The following PTPRF variants were observed in gnomAD, a reference collection of about 807,000 sequenced individuals.
PTPRF encodes receptor-type tyrosine-protein phosphatase F.
In PTPRF, 59 loss-of-function variants were observed where a neutral mutation model predicts 201.8. That is an observed-to-expected ratio of 0.29 (90% CI 0.24 to 0.36). The LOEUF is 0.36. PTPRF is among the 10% of genes least tolerant of loss of function. The pLI, the probability that PTPRF is intolerant of heterozygous loss-of-function variation, is 1.00. For synonymous variants in PTPRF, 1,088 were observed against 1,089.7 expected (o/e 1.00, Z 0.03); for missense variants, 2,132 against 2,690.5 (o/e 0.79, Z 4.59).
chr1:43,613,985 C>CA, intron 23 of PTPRF, among the ~76,000 whole-genome samples: 1 of 152,328 alleles, frequency 6.6e-6, no homozygotes, highest in Non-Finnish European at 1.5e-5. Context: ...TCTGGACACT[C>CA]AGACACGTGC....
chr1:43,576,505 A>G (rs1382492395), intron 6 of PTPRF, among the ~76,000 whole-genome samples: 1 of 152,190 alleles, frequency 6.6e-6, no homozygotes. Flanking sequence ...GCGTAACTCC[A>G]TCACCTGACC....
rs557456651 is a variant in PTPRF, at chr1:43,616,824, G to A, written c.4072-621G>A. On this transcript the variant is annotated intron_variant, in intron 23 of 33. Transcript: ENST00000359947. ...GTTATGGGCAGCTCCAGCATGTGGT[G>A]TAAGAATCAGGTGAGCAAATGAGGT... is the stretch of plus-strand genomic sequence containing the variant. Among the ~76,000 whole-genome samples, 5 of 152,218 alleles carry A rather than the reference G, an allele frequency of 3.3e-5. No homozygotes were observed. In the South Asian group the frequency reaches 6.2e-4, roughly 19 times the overall value.
chr1:43,594,465 C>A (rs953461732), intron 11 of PTPRF, among the ~76,000 whole-genome samples: 26 of 151,732 alleles, frequency 1.7e-4, no homozygotes, highest in African/African-American at 5.8e-4. Flanking sequence ...GCAGTCAGGG[C>A]CTTGGGGACA....
intron 22 of PTPRF, 130 bp from the exon 23 acceptor site, chr1:43,613,488 C>G: frequency 1.3e-6 from 1 of 772,820 alleles, no homozygotes; most frequent in Non-Finnish European, 2.3e-6. Flanking sequence ...GCTGCTGTCT[C>G]CATGCCACCA....
Position 43,619,696 on chromosome 1 carries a change from A to G in PTPRF, c.4949A>G (p.Lys1650Arg), listed in dbSNP as rs767540594. 4.3e-6 allele frequency: 7 copies of G among 1,614,042 alleles called. No homozygotes were observed. The East Asian group carries it at 1.3e-4, about 31-fold the overall frequency. The change falls in exon 29 of 34, where the codon AAG (lysine) becomes AGG (arginine). Residue 1650 changes from lysine (K) to arginine (R), a missense_variant. By Grantham distance (26) the Lys-to-Arg change is conservative (BLOSUM62 2). Around this residue, in one of 6 missense-constraint regions of PTPRF, gnomAD observed 519 missense variants for 659.5 expected, o/e 0.79. Coordinates refer to ENST00000359947, the MANE Select transcript of PTPRF (RefSeq NM_002840.5). ...ELEFKLLASS[K>R]AHTSRFISAN... ...TCTCAATAGTTGCTGGCCAGCTCCA[A>G]GGCCCACACGTCCCGCTTCATCAGC...
chr1:43,524,833 G>A (rs913151094), upstream of PTPRF, among the ~76,000 whole-genome samples: 8 of 152,336 alleles, frequency 5.3e-5, no homozygotes, highest in Admixed American at 2.6e-4. Context: ...ATCTGACAGC[G>A]AGGGGAAAAT....
intron 23 of PTPRF, among the ~76,000 whole-genome samples, chr1:43,613,992 G>A (rs116119000): frequency 0.012 from 1,888 of 152,272 alleles, 18 homozygotes; most frequent in Non-Finnish European, 0.017. Context: ...ACTCAGACAC[G>A]TGCTCAAGTG....
chr1:43,568,278 G>A (rs1194631714), intron 5 of PTPRF, among the ~76,000 whole-genome samples: 1 of 149,862 alleles, frequency 6.7e-6, no homozygotes, highest in African/African-American at 2.5e-5. Context: ...CTGGGCAGCA[G>A]AGTGAGACTC....
intron 6 of PTPRF, chr1:43,575,917 A>C (rs774734608): frequency 7.3e-7 from 1 of 1,364,366 alleles, no homozygotes; most frequent in East Asian, 4.6e-5. Flanking sequence ...CAGGTGGTTC[A>C]CCAATCAGAG....
In PTPRF at chr1:43,613,797, G is replaced by T. The variant is rs1052167640; in HGVS notation, c.4071+82G>T. 2.1e-5 allele frequency: 26 copies of T among 1,254,562 alleles called. No individual in the cohort carries two copies. The African/African-American group carries it at 2.2e-4, about 11-fold the overall frequency. 77.7% of individuals were successfully genotyped at this position (1,254,562 alleles called of 1,614,324 possible). A position where few individuals can be genotyped will look rare whatever the true frequency, so the allele number is the denominator to read the frequency against. ...CTGTCCTGTCCTAGGTCCCAGCTGTGGTGGGTGAGGAAGCAGGGGTCCAGC... is the reference window on the plus strand; with the variant it reads ...CTGTCCTGTCCTAGGTCCCAGCTGTTGTGGGTGAGGAAGCAGGGGTCCAGC... On this transcript the variant is annotated intron_variant, in intron 23 of 33. Transcript: ENST00000359947.
chr1:43,547,057 C>T (rs1232581407), intron 3 of PTPRF, among the ~76,000 whole-genome samples: 1 of 152,138 alleles, frequency 6.6e-6, no homozygotes, highest in Non-Finnish European at 1.5e-5. Context: ...GTGAAAACAT[C>T]ATCCTGTCAC....
chr1:43,607,233 CGTCT>C (rs1366396090), intron 21 of PTPRF, among the ~76,000 whole-genome samples: 3 of 152,366 alleles, frequency 2.0e-5, no homozygotes, highest in Middle Eastern at 3.4e-3. Flanking sequence ...ATCCCTGGCA[CGTCT>C]GTCTGTCTCT....
chr1:43,618,251 T>G (rs756928683), intron 25 of PTPRF, among the ~76,000 whole-genome samples: 5 of 152,206 alleles, frequency 3.3e-5, no homozygotes, highest in Non-Finnish European at 4.4e-5. Context: ...ACACATCTCC[T>G]AAGTTAATTA....
At position 43,538,204 on chromosome 1, in the gene PTPRF, G is replaced by A. The variant is rs1370143488; in HGVS notation, c.-119G>A. 1 of 398,654 alleles carries A rather than the reference G, an allele frequency of 2.5e-6. No homozygotes were observed. Among genetic ancestry groups the A allele is most frequent in the Non-Finnish European group, 4.4e-6 (1 of 226,090 alleles). 24.7% of individuals were successfully genotyped at this position (398,654 alleles called of 1,614,324 possible). ...TGCTTTCCTTTCTGTCCAGGAAGGA[G>A]TGGAGGCCCTGGTGCCCGGCCCTTG... On this transcript the variant is annotated 5_prime_UTR_variant, in exon 2 of 34. It adds an upstream start codon to the 5' untranslated region. Transcript: ENST00000359947.
At position 43,621,007 on chromosome 1, in the gene PTPRF, C is replaced by G; in HGVS notation, c.5519+15C>G. On this transcript the variant is annotated intron_variant, in intron 32 of 33. Coordinates refer to ENST00000359947, the MANE Select transcript of PTPRF (RefSeq NM_002840.5). The stretch of plus-strand genomic sequence containing the variant: ...GTGCACTGCAGGTGGGACTGGCCCC[C>G]TGGAGGGCTGGGGTGGGTGGGCCTG... 6.2e-7 allele frequency: 1 copy of G among 1,611,378 alleles called. No individual in the cohort carries two copies. Among genetic ancestry groups the G allele is most frequent in the Non-Finnish European group, 8.5e-7 (1 of 1,178,258 alleles).
At chr1:43,570,925 G>C (rs1023313680) in intron 6 of PTPRF, among the ~76,000 whole-genome samples, 4 of 152,264 alleles carry the variant, frequency 2.6e-5, no homozygotes, top group African/African-American at 9.6e-5. Flanking sequence ...ACAGCGGCCA[G>C]CACGGTTCGG....
At chr1:43,613,768 G>C in intron 23 of PTPRF, 53 bp downstream of exon 23, 5 of 1,480,286 alleles carry the variant, frequency 3.4e-6, no homozygotes, top group Non-Finnish European at 4.7e-6. Flanking sequence ...ACCCAAACCA[G>C]CTCCTGTCCT....
At chr1:43,579,857 G>A (rs1808730) in intron 7 of PTPRF, 45,931 of 151,998 alleles carry the variant, frequency 0.3, 7,537 homozygotes, top group Middle Eastern at 0.38. Flanking sequence ...GGCAGATCAC[G>A]AGGTCAGGAG....
chr1:43,606,310 C>A lies in PTPRF; in HGVS notation c.3554C>A (p.Pro1185Gln), dbSNP rs766148161. The change falls in exon 20 of 34, where the codon CCA becomes CAA. Residue 1185 changes from proline to glutamine, a missense_variant. Coordinates refer to ENST00000359947, the MANE Select transcript of PTPRF (RefSeq NM_002840.5). ...CGGCGGCAGGCAGAACGTCTGAAGCCATATGTGGCTGCTCAACTGGATGTG... is the reference window on the plus strand; with the variant it reads ...CGGCGGCAGGCAGAACGTCTGAAGCAATATGTGGCTGCTCAACTGGATGTG... ...RRRRQAERLKPYVAAQLDVLP... is the reference protein window; with the variant it reads ...RRRRQAERLKQYVAAQLDVLP... The A allele has an allele frequency of 3.7e-6, 6 of 1,614,030 alleles. No individual in the cohort carries two copies. The highest frequency in any genetic ancestry group is 5.1e-6 in the Non-Finnish European group (6 of 1,180,040).
Sources: allele counts gnomAD v4.1 joint callset (sites outside exome capture counted in the v4.1 genomes callset), GRCh38; gene constraint gnomAD v4.1.1; regional missense constraint gnomAD v4.1.1; transcripts MANE v1.5; gene names NCBI Gene and HGNC (gene_info 2026-07-23, HGNC 2026-07-21).